Variants in LAMA3 observed in about 807,000 individuals in gnomAD.
LAMA3 encodes the protein laminin subunit alpha-3.
A neutral mutation model predicts 402.0 loss-of-function variants in LAMA3; 281 were observed. The observed-to-expected ratio is 0.70, with a 90% CI of 0.63 to 0.77. The LOEUF is 0.77. LAMA3 is among the 30% of genes least tolerant of loss of function. LAMA3 has a pLI of 0.00. For synonymous variants in LAMA3, 1,431 were observed against 1,558.4 expected (o/e 0.92, Z 1.93); for missense variants, 3,840 against 4,215.5 (o/e 0.91, Z 2.47).
At chr18:23,753,206 A>C (rs1050334067) in intron 5 of LAMA3, among the ~76,000 whole-genome samples, 2 of 152,234 alleles carry the variant, frequency 1.3e-5, no homozygotes, top group Non-Finnish European at 2.9e-5. Context: ...GGAAGTCTTC[A>C]GCAAATACTG....
intron 12 of LAMA3, among the ~76,000 whole-genome samples, chr18:23,791,734 T>TAAAAAAAAAAAAAAAAAAAAAAAAA (rs11348422): frequency 1.1e-5 from 1 of 89,694 alleles, no homozygotes; most frequent in African/African-American, 4.5e-5. Flanking sequence ...AGAATTTGTC[T>TAAAAAAAAAAAAAAAAAAAAAAAAA]AAAAAAAAAA....
chr18:23,766,924 T>A (rs547171185), intron 8 of LAMA3, among the ~76,000 whole-genome samples: 47 of 152,128 alleles, frequency 3.1e-4, no homozygotes, highest in African/African-American at 1.1e-3. Context: ...AAAGAAAAAG[T>A]CAAACTATCT....
intron 64 of LAMA3, among the ~76,000 whole-genome samples, chr18:23,929,995 T>C (rs1469983987): frequency 1.3e-5 from 2 of 152,208 alleles, no homozygotes; most frequent in East Asian, 3.8e-4. Context: ...TACATATAAG[T>C]TAGCATTAGT....
chr18:23,790,983 G>A (rs2062640770), intron 12 of LAMA3, among the ~76,000 whole-genome samples: 2 of 151,886 alleles, frequency 1.3e-5, no homozygotes, highest in African/African-American at 4.8e-5. Context: ...CCGCCTCCTG[G>A]GTTCACGCCA....
intron 65 of LAMA3, 87 bp downstream of exon 65, chr18:23,931,288 T>C: frequency 8.5e-7 from 1 of 1,172,524 alleles, no homozygotes; most frequent in Non-Finnish European, 1.3e-6. Context: ...TTTTGCAAAA[T>C]ATTTGTCCTT....
chr18:23,845,556 C>T (rs2063795970), intron 30 of LAMA3, among the ~76,000 whole-genome samples: 1 of 152,230 alleles, frequency 6.6e-6, no homozygotes. Context: ...TCCCTGCCCT[C>T]TCTCCTTGTG....
Position 23,825,308 on chromosome 18 carries a change from G to C in LAMA3, c.2571+743G>C, listed in dbSNP as rs374739699. Among the ~76,000 whole-genome samples the C allele has an allele frequency of 8.3e-4, 127 of 152,328 alleles. 3 individuals carry two copies. The South Asian group carries it at 0.025, about 30-fold the overall frequency. ...AGCCCTCTTTGCTATGTGCTTTAAGGCCTGCTTTGCTTCATGGCAAGGTCT... is the reference window on the plus strand; with the variant it reads ...AGCCCTCTTTGCTATGTGCTTTAAGCCCTGCTTTGCTTCATGGCAAGGTCT... On this transcript the variant is annotated intron_variant, in intron 21 of 74. Transcript: ENST00000313654.
intron 37 of LAMA3, among the ~76,000 whole-genome samples, chr18:23,870,086 T>A (rs756476208): frequency 6.6e-6 from 1 of 151,802 alleles, no homozygotes; most frequent in Non-Finnish European, 1.5e-5. Context: ...GGGCAGATCA[T>A]GAGGTCAGGA....
intron 69 of LAMA3, among the ~76,000 whole-genome samples, chr18:23,945,791 A>C (rs986584044): frequency 6.6e-6 from 1 of 152,176 alleles, no homozygotes; most frequent in African/African-American, 2.4e-5. Flanking sequence ...CCAGCACTGT[A>C]TAAACTGTCC....
chr18:23,934,776 G>T (rs2082263865), intron 67 of LAMA3, among the ~76,000 whole-genome samples: 1 of 152,198 alleles, frequency 6.6e-6, no homozygotes, highest in Admixed American at 6.5e-5. Flanking sequence ...AGGTGAGTTG[G>T]AGTTCCAACC....
intron 2 of LAMA3, among the ~76,000 whole-genome samples, chr18:23,722,066 CT>C (rs1427218604): frequency 1.3e-5 from 2 of 152,178 alleles, no homozygotes; most frequent in Non-Finnish European, 2.9e-5. Flanking sequence ...AGCCCTTAGA[CT>C]TTTTGCCAGC....
At position 23,918,158 on chromosome 18, in the gene LAMA3, C is replaced by A. The variant is rs1278782508; in HGVS notation, c.7923+1463C>A. On this transcript the variant is annotated intron_variant, in intron 60 of 74. Transcript: ENST00000313654. This position sits in a 1 kb window ranked among gnomAD's most constrained non-coding sequence, Gnocchi z 4.1. Reference sequence around the variant, plus strand: ...CTTATTGAATAGGGAGTCCTTTCCCCATTGCTTGTTTTTGTTGACTTTGTC... The same window carrying A: ...CTTATTGAATAGGGAGTCCTTTCCCAATTGCTTGTTTTTGTTGACTTTGTC... 1.3e-5 allele frequency among the ~76,000 whole-genome samples: 2 copies of A among 152,110 alleles called. No individual in the cohort carries two copies. The highest frequency in any genetic ancestry group is 4.8e-5 in the African/African-American group (2 of 41,420).
At chr18:23,822,220 T>C (rs1392749779) in intron 19 of LAMA3, 32 bp from the exon 20 acceptor site, 1 of 1,613,432 alleles carries the variant, frequency 6.2e-7, no homozygotes, top group African/African-American at 1.3e-5. Context: ...ACCATTTTTT[T>C]CTATGCTTTA....
intron 21 of LAMA3, 145 bp downstream of exon 21, chr18:23,824,710 A>G (rs2144429794): frequency 1.1e-6 from 1 of 879,768 alleles, no homozygotes; most frequent in Non-Finnish European, 1.9e-6. Flanking sequence ...CCCCAACCTA[A>G]GGAAACTGTG....
chr18:23,820,873 T>TC (rs2063271951), intron 19 of LAMA3, among the ~76,000 whole-genome samples: 1 of 152,080 alleles, frequency 6.6e-6, no homozygotes, highest in South Asian at 2.1e-4. Flanking sequence ...TCAGACCCCT[T>TC]CCCCTCATTG....
intron 26 of LAMA3, 75 bp downstream of exon 26, chr18:23,838,953 A>G (rs2063640904): frequency 2.2e-6 from 2 of 897,186 alleles, no homozygotes; most frequent in Non-Finnish European, 3.8e-6. Flanking sequence ...GAAACTTTAT[A>G]CTCAACGTCA....
chr18:23,765,685 A>G (rs2062061412), intron 8 of LAMA3, among the ~76,000 whole-genome samples: 1 of 152,224 alleles, frequency 6.6e-6, no homozygotes, highest in African/African-American at 2.4e-5. Flanking sequence ...AGCTGCTATT[A>G]TAATTATGCT....
chr18:23,841,537 G>A (rs1016769032), intron 27 of LAMA3, among the ~76,000 whole-genome samples: 18 of 152,218 alleles, frequency 1.2e-4, no homozygotes, highest in South Asian at 2.1e-4. Flanking sequence ...GGAGCTGGGA[G>A]CCCCTGAGAT....
chr18:23,703,190 C>A (rs1293059151), intron 1 of LAMA3, among the ~76,000 whole-genome samples: 1 of 152,188 alleles, frequency 6.6e-6, no homozygotes, highest in Admixed American at 6.5e-5. Context: ...ACTAGAGATG[C>A]TGATTCTAAG....
Sources: allele counts gnomAD v4.1 joint callset (sites outside exome capture counted in the v4.1 genomes callset), GRCh38; gene constraint gnomAD v4.1.1; non-coding constraint Gnocchi (gnomAD v3.1); transcripts MANE v1.5; gene names NCBI Gene and HGNC (gene_info 2026-07-23, HGNC 2026-07-21).